Variants in TMEM132C observed in about 807,000 individuals in gnomAD.
TMEM132C encodes protein phosphatase 1, regulatory subunit 152.
TMEM132C carries 29 observed loss-of-function variants against 61.4 expected under a neutral mutation model. The observed-to-expected ratio is 0.47, with a 90% CI of 0.35 to 0.64. The LOEUF (loss-of-function observed/expected upper bound fraction) is 0.64, where lower values mean the gene tolerates loss of function less well. Ranked by LOEUF, TMEM132C falls within the 30% of genes least tolerant of loss-of-function variation. The pLI, the probability that TMEM132C is intolerant of heterozygous loss-of-function variation, is 0.00. For synonymous variants in TMEM132C, 656 were observed against 633.1 expected, an observed-to-expected ratio of 1.04 and a Z score of -0.54; for missense variants, 1,408 against 1,476.9, an observed-to-expected ratio of 0.95 and a Z score of 0.76.
intron 3 of TMEM132C, among the ~76,000 whole-genome samples, chr12:128,575,295 A>G (rs552534520): frequency 6.6e-6 from 1 of 152,350 alleles, no homozygotes; most frequent in South Asian, 2.1e-4. Flanking sequence ...CCTGGCCACC[A>G]TGGTGAAACC....
At chr12:128,323,097 C>T (rs187980862) in intron 1 of TMEM132C, among the ~76,000 whole-genome samples, 72 of 152,260 alleles carry the variant, frequency 4.7e-4, no homozygotes, top group African/African-American at 1.6e-3. Context: ...AGCAAACCAG[C>T]TAATATTCAT....
chr12:128,419,639 T>C (rs1291220937), intron 2 of TMEM132C, among the ~76,000 whole-genome samples: 2 of 152,142 alleles, frequency 1.3e-5, no homozygotes. Flanking sequence ...TTCTTTTCTA[T>C]CTGGAATTTT....
chr12:128,704,958 C>A, intron 8 of TMEM132C, 132 bp from the exon 9 acceptor site: 1 of 973,370 alleles, frequency 1.0e-6, no homozygotes, highest in Non-Finnish European at 1.5e-6. Flanking sequence ...TATGATTTCT[C>A]CCCAGATGCA....
chr12:128,430,700 A>C (rs1053348140), intron 2 of TMEM132C, among the ~76,000 whole-genome samples: 3 of 152,212 alleles, frequency 2.0e-5, no homozygotes, highest in Non-Finnish European at 4.4e-5. Flanking sequence ...AATTCTTGGA[A>C]TATTTCAAAC....
intron 1 of TMEM132C, among the ~76,000 whole-genome samples, chr12:128,298,318 G>A (rs1172308725): frequency 6.6e-6 from 1 of 152,174 alleles, no homozygotes; most frequent in African/African-American, 2.4e-5. Context: ...ATTGTGTTTT[G>A]TTGAATGTGT....
intron 1 of TMEM132C, among the ~76,000 whole-genome samples, chr12:128,380,289 T>G (rs1874360431): frequency 6.6e-6 from 1 of 152,246 alleles, no homozygotes; most frequent in Non-Finnish European, 1.5e-5. Context: ...CCCTAGGGCA[T>G]GTGGCCAGAT....
At chr12:128,487,061 G>T (rs56303469) in intron 2 of TMEM132C, among the ~76,000 whole-genome samples, 1 of 152,162 alleles carries the variant, frequency 6.6e-6, no homozygotes, top group Non-Finnish European at 1.5e-5. Context: ...CCAAAGTGGA[G>T]AAAGGGGTGC....
At chr12:128,435,428 A>G (rs1278763411) in intron 2 of TMEM132C, among the ~76,000 whole-genome samples, 1 of 152,226 alleles carries the variant, frequency 6.6e-6, no homozygotes, top group African/African-American at 2.4e-5. Context: ...AATCTCCTTA[A>G]GCTGATAAGC....
chr12:128,277,091 G>A (rs1870718936), intron 1 of TMEM132C, among the ~76,000 whole-genome samples: 1 of 152,184 alleles, frequency 6.6e-6, no homozygotes, highest in African/African-American at 2.4e-5. Flanking sequence ...CACTGAAGCA[G>A]TTTTCCCTGT....
intron 4 of TMEM132C, among the ~76,000 whole-genome samples, chr12:128,620,581 A>T (rs1840800894): frequency 6.6e-6 from 1 of 152,200 alleles, no homozygotes; most frequent in Non-Finnish European, 1.5e-5. Context: ...TTAGGCAAAA[A>T]ACTCTAGAGA....
chr12:128,365,910 G>A (rs1159249653), intron 1 of TMEM132C, among the ~76,000 whole-genome samples: 1 of 152,190 alleles, frequency 6.6e-6, no homozygotes, highest in Non-Finnish European at 1.5e-5. Flanking sequence ...ATTTATACGC[G>A]CAGGCTTGTC....
At chr12:128,402,972 G>A (rs975688824) in intron 1 of TMEM132C, among the ~76,000 whole-genome samples, 3 of 152,268 alleles carry the variant, frequency 2.0e-5, no homozygotes, top group Non-Finnish European at 4.4e-5. Flanking sequence ...AGAAAAGGGG[G>A]GAACTATCCC....
intron 2 of TMEM132C, among the ~76,000 whole-genome samples, chr12:128,454,019 G>A (rs1870265076): frequency 6.6e-6 from 1 of 152,182 alleles, no homozygotes; most frequent in Non-Finnish European, 1.5e-5. Context: ...AAAAGATCTA[G>A]CGAAGGGGGC....
At chr12:128,505,796 A>G (rs943323742) in intron 2 of TMEM132C, among the ~76,000 whole-genome samples, 24 of 152,284 alleles carry the variant, frequency 1.6e-4, no homozygotes, top group African/African-American at 5.5e-4. Context: ...TTCTCCATAT[A>G]GAGGACACAA....
chr12:128,342,039 C>T (rs1288722656), intron 1 of TMEM132C, among the ~76,000 whole-genome samples: 4 of 151,392 alleles, frequency 2.6e-5, no homozygotes, highest in East Asian at 3.9e-4. Flanking sequence ...GATGGAGTCT[C>T]GCTCTGTCGC....
intron 2 of TMEM132C, among the ~76,000 whole-genome samples, chr12:128,489,214 C>T (rs539153893): frequency 4.6e-5 from 7 of 152,090 alleles, no homozygotes; most frequent in South Asian, 2.1e-4. Flanking sequence ...TCCTGCTAGA[C>T]GAGGGTGGAA....
intron 2 of TMEM132C, among the ~76,000 whole-genome samples, chr12:128,538,635 C>T (rs1281233096): frequency 6.6e-6 from 1 of 152,174 alleles, no homozygotes; most frequent in African/African-American, 2.4e-5. Context: ...GCCCTGCTCC[C>T]TTTTACTGCT....
At chr12:128,535,477 C>A (rs1873488696) in intron 2 of TMEM132C, among the ~76,000 whole-genome samples, 1 of 152,166 alleles carries the variant, frequency 6.6e-6, no homozygotes, top group Non-Finnish European at 1.5e-5. Context: ...AGCAAACAGA[C>A]ACATGAAAAA....
intron 3 of TMEM132C, among the ~76,000 whole-genome samples, chr12:128,569,093 C>A (rs144708885): frequency 1.3e-5 from 2 of 152,006 alleles, no homozygotes; most frequent in Non-Finnish European, 2.9e-5. Context: ...AGCAGGTGAG[C>A]GGGGGCGTGC....
Sources: gnomAD v4.1 joint callset for allele counts (sites outside exome capture counted in the v4.1 genomes callset) on GRCh38, gnomAD v4.1.1 for gene constraint, MANE v1.5 for transcripts, NCBI Gene and HGNC (gene_info 2026-07-23, HGNC 2026-07-21) for gene names.